Variants in SCARB1 observed in about 807,000 individuals in gnomAD.
The protein encoded by SCARB1 is scavenger receptor class B member 1, also known as CD36 and LIMPII analogous 1.
SCARB1 carries 30 observed loss-of-function variants against 57.2 expected under a neutral mutation model. The observed-to-expected ratio is 0.52, with a 90% CI of 0.39 to 0.71. The LOEUF is 0.71. SCARB1 is among the 30% of genes least tolerant of loss of function. The pLI is 0.00. For synonymous variants in SCARB1, 249 were observed against 268.3 expected, an observed-to-expected ratio of 0.93 and a Z score of 0.70; for missense variants, 543 against 671.2, an observed-to-expected ratio of 0.81 and a Z score of 2.11.
intron 1 of SCARB1, among the ~76,000 whole-genome samples, chr12:124,840,275 A>G (rs138023157): frequency 0.11 from 16,064 of 151,832 alleles, 945 homozygotes; most frequent in African/African-American, 0.16. Context: ...CCAGGTTCAA[A>G]CGATTCTCCT....
intron 12 of SCARB1, among the ~76,000 whole-genome samples, chr12:124,779,005 C>T (rs114687010): frequency 0.022 from 3,387 of 152,248 alleles, 121 homozygotes; most frequent in African/African-American, 0.072. Flanking sequence ...GGCTGGAGTA[C>T]GGTGGTGCCA....
chr12:124,843,292 G>GT (rs200042285), intron 1 of SCARB1, among the ~76,000 whole-genome samples: 105 of 119,176 alleles, frequency 8.8e-4, no homozygotes, highest in African/African-American at 2.3e-3. Context: ...TGTGGAGATG[G>GT]GGGGGGGGGT....
chr12:124,836,415 G>C (rs1390845322), intron 1 of SCARB1, among the ~76,000 whole-genome samples: 3 of 152,214 alleles, frequency 2.0e-5, no homozygotes, highest in Non-Finnish European at 4.4e-5. Context: ...GTAAACATCT[G>C]CATTACAGAA....
In SCARB1 at chr12:124,814,987, T is replaced by TG; in HGVS notation, c.411dup (p.Asn138GlnfsTer14). 1 of 1,613,998 alleles carries TG rather than the reference T, an allele frequency of 6.2e-7. No homozygotes were observed. The highest frequency in any genetic ancestry group is 8.5e-7 in the Non-Finnish European group (1 of 1,179,998). ...GGCAGCCTCACCAAGACCAGGATGTTGGGCATGACGATGTAGTCGCTCTCC... is the reference window on the plus strand; with the variant it reads ...GGCAGCCTCACCAAGACCAGGATGTTGGGGCATGACGATGTAGTCGCTCTCC... On this transcript the variant is annotated frameshift_variant, in exon 3 of 13. Transcript: ENST00000261693. LOFTEE classifies it high-confidence loss of function. This position sits in a 1 kb window ranked among gnomAD's most constrained non-coding sequence, Gnocchi z 4.7.
Position 124,814,707 on chromosome 12 carries a change from T to G in SCARB1, c.426+266A>C, listed in dbSNP as rs912182857. ...GCTCAGCCCTCAACAAGACAGCCCC[T>G]TTTGGAGATCTCAGAAATGTAAATT... On this transcript the variant is annotated intron_variant, in intron 3 of 12. Coordinates refer to ENST00000261693, the MANE Select transcript of SCARB1 (RefSeq NM_005505.5). The surrounding 1 kb of genome is among the most constrained non-coding windows in gnomAD (Gnocchi z 4.7). Among the ~76,000 whole-genome samples, 4 of 152,130 alleles carry G rather than the reference T, an allele frequency of 2.6e-5. No homozygotes were observed. Among genetic ancestry groups the G allele is most frequent in the African/African-American group, 9.7e-5 (4 of 41,432 alleles).
chr12:124,779,248 CTG>C (rs1872931077), intron 12 of SCARB1, among the ~76,000 whole-genome samples: 1 of 152,236 alleles, frequency 6.6e-6, no homozygotes. Flanking sequence ...CATGCCTGGC[CTG>C]TGTTTTTAAA....
In SCARB1 at chr12:124,863,479, C is replaced by A. The variant is rs1354830931; in HGVS notation, c.126+116G>T. The stretch of plus-strand genomic sequence containing the variant: ...CTCCCTCGTGCTCTGCGGCGCCAGG[C>A]CCGGGCGCCGATTCCGCTGCGGTCG... On this transcript the variant is annotated intron_variant, in intron 1 of 12. Transcript: ENST00000261693. The A allele has an allele frequency of 3.6e-6, 4 of 1,124,666 alleles. No homozygotes were observed. The Admixed American group carries it at 8.2e-5, about 23-fold the overall frequency. 69.7% of individuals were successfully genotyped at this position (1,124,666 alleles called of 1,614,324 possible).
In SCARB1 at chr12:124,792,383, C is replaced by T. The variant is rs545372679; in HGVS notation, c.1202+2812G>A. ...GTGCGGCCCAGAGAGGTTGGGTGAC[C>T]GGTCCACAGGTCACTGGCAGGCACA... On this transcript the variant is annotated intron_variant, in intron 9 of 12. Coordinates refer to ENST00000261693, the MANE Select transcript of SCARB1 (RefSeq NM_005505.5). Among the ~76,000 whole-genome samples the T allele has an allele frequency of 7.2e-5, 11 of 152,098 alleles. No individual in the cohort carries two copies. The East Asian group carries it at 1.4e-3, about 19-fold the overall frequency.
At chr12:124,850,927 G>A (rs557822121) in intron 1 of SCARB1, among the ~76,000 whole-genome samples, 7 of 151,898 alleles carry the variant, frequency 4.6e-5, no homozygotes, top group South Asian at 2.1e-4. Context: ...TGCCTTTTGG[G>A]AACCACCCTA....
At chr12:124,799,253 G>A (rs996047823) in intron 8 of SCARB1, among the ~76,000 whole-genome samples, 3 of 152,196 alleles carry the variant, frequency 2.0e-5, no homozygotes, top group East Asian at 1.9e-4. Flanking sequence ...GGCTGGGCAC[G>A]GCGGTTCATG....
In SCARB1 at chr12:124,780,667, G is replaced by A. The variant is rs114426405; in HGVS notation, c.*2016C>T. The stretch of plus-strand genomic sequence containing the variant: ...AGGCAGGGCAGGAGGGTCTTTTCAA[G>A]TCAAACACTTGTCTCATCACCTAAA... On this transcript the variant is annotated intron_variant, in intron 12 of 12. Coordinates refer to ENST00000261693, the MANE Select transcript of SCARB1 (RefSeq NM_005505.5). 2.7e-3 allele frequency among the ~76,000 whole-genome samples: 413 copies of A among 152,358 alleles called. 1 individual carries two copies. The highest frequency in any genetic ancestry group is 9.4e-3 in the African/African-American group (389 of 41,590).
chr12:124,860,921 T>C (rs908533925), intron 1 of SCARB1, among the ~76,000 whole-genome samples: 1 of 152,168 alleles, frequency 6.6e-6, no homozygotes, highest in African/African-American at 2.4e-5. Flanking sequence ...CATGTTCAAG[T>C]TCACCTACAC....
In SCARB1 at chr12:124,796,682, G is replaced by A. The variant is rs917913565; in HGVS notation, c.1129-1414C>T. 1.3e-5 allele frequency among the ~76,000 whole-genome samples: 2 copies of A among 152,206 alleles called. No homozygotes were observed. The highest frequency in any genetic ancestry group is 6.5e-5 in the Admixed American group (1 of 15,286). ...CTAGGTTATTATCACGTACACTATAGGGAAAGGATGTTTTCTTCATTATGG... is the reference window on the plus strand; with the variant it reads ...CTAGGTTATTATCACGTACACTATAAGGAAAGGATGTTTTCTTCATTATGG... On this transcript the variant is annotated intron_variant, in intron 8 of 12. Transcript: ENST00000261693. The surrounding 1 kb of genome is among the most constrained non-coding windows in gnomAD (Gnocchi z 4.0).
At chr12:124,818,512 G>A (rs1307177821) in intron 1 of SCARB1, among the ~76,000 whole-genome samples, 1 of 152,168 alleles carries the variant, frequency 6.6e-6, no homozygotes, top group East Asian at 1.9e-4. Context: ...TGTTGCCCAG[G>A]CTGGAGTGCA....
rs916066281 is a variant in SCARB1 at position 124,789,184 on chromosome 12, C to G, written c.1203-1727G>C. Reference sequence around the variant, plus strand: ...ATCAAGGTCGACATCAACAGTGATACAGTATGTTGACGGAATGTACCCAAG... The same window carrying G: ...ATCAAGGTCGACATCAACAGTGATAGAGTATGTTGACGGAATGTACCCAAG... On this transcript the variant is annotated intron_variant, in intron 9 of 12. Transcript: ENST00000261693. The surrounding 1 kb of genome is among the most constrained non-coding windows in gnomAD (Gnocchi z 4.4). 1.3e-5 allele frequency among the ~76,000 whole-genome samples: 2 copies of G among 152,210 alleles called. No homozygotes were observed. Among genetic ancestry groups the G allele is most frequent in the Admixed American group, 6.5e-5 (1 of 15,286 alleles).
chr12:124,854,010 G>A (rs979680814), intron 1 of SCARB1, among the ~76,000 whole-genome samples: 1 of 152,172 alleles, frequency 6.6e-6, no homozygotes, highest in Non-Finnish European at 1.5e-5. Flanking sequence ...TCACGGCAAC[G>A]AATAACACAA....
chr12:124,844,817 C>CTTT lies in SCARB1; in HGVS notation c.126+18775_126+18777dup, dbSNP rs771987604. On this transcript the variant is annotated intron_variant, in intron 1 of 12. Transcript: ENST00000261693. ...TGGACATTTTTTTCTTTCTTTCTTT[C>CTTT]TTTTTTTTTTTTTTTTGAGACAGAG... Among the ~76,000 whole-genome samples the CTTT allele has an allele frequency of 1.5e-4, 21 of 141,008 alleles. No homozygotes were observed. In the East Asian group the frequency reaches 1.7e-3, roughly 11 times the overall value. 92.5% of individuals were successfully genotyped at this position (141,008 alleles called of 152,430 possible).
At chr12:124,805,129 A>C (rs1418561485) in intron 7 of SCARB1, among the ~76,000 whole-genome samples, 1 of 114,298 alleles carries the variant, frequency 8.7e-6, no homozygotes, top group Non-Finnish European at 1.6e-5. Flanking sequence ...AGAGGAAGAC[A>C]AGAAGACCAA....
chr12:124,796,527 G>A lies in SCARB1; in HGVS notation c.1129-1259C>T, dbSNP rs1337910853. On this transcript the variant is annotated intron_variant, in intron 8 of 12. Transcript: ENST00000261693. This position sits in a 1 kb window ranked among gnomAD's most constrained non-coding sequence, Gnocchi z 4.0. ...AAACTAGATTTGAGGTCAGAGAACTGCAGTTGGTTCTTCTTAACTGAGAGT... is the reference window on the plus strand; with the variant it reads ...AAACTAGATTTGAGGTCAGAGAACTACAGTTGGTTCTTCTTAACTGAGAGT... Among the ~76,000 whole-genome samples, 1 of 152,234 alleles carries A rather than the reference G, an allele frequency of 6.6e-6. No homozygotes were observed. The highest frequency in any genetic ancestry group is 1.5e-5 in the Non-Finnish European group (1 of 68,040).
Sources: gnomAD v4.1 joint callset for allele counts (sites outside exome capture counted in the v4.1 genomes callset) on GRCh38, gnomAD v4.1.1 for gene constraint, Gnocchi (gnomAD v3.1) non-coding constraint, MANE v1.5 for transcripts, NCBI Gene and HGNC (gene_info 2026-07-23, HGNC 2026-07-21) for gene names.